The following EPHB2 variants were observed in gnomAD, a reference collection of about 807,000 sequenced individuals.
EPHB2 encodes EPH receptor B2.
EPHB2 carries 18 observed loss-of-function variants against 96.4 expected under a neutral mutation model. That is an observed-to-expected ratio of 0.19 (90% CI 0.13 to 0.28). EPHB2 has a LOEUF of 0.28. Ranked by LOEUF, EPHB2 falls within the 10% of genes least tolerant of loss-of-function variation. EPHB2 has a pLI of 1.00. For missense variants in EPHB2, 989 were observed against 1,355.4 expected (o/e 0.73, Z 4.25); for synonymous variants, 506 against 534.1 (o/e 0.95, Z 0.72).
rs1640199608 is a variant in EPHB2 at position 22,914,010 on chromosome 1, G to A, written c.*440G>A. 1.0e-5 allele frequency: 12 copies of A among 1,171,982 alleles called. No homozygotes were observed. The highest frequency in any genetic ancestry group is 2.7e-4 in the Middle Eastern group (1 of 3,678). The allele number at this position is 1,171,982 out of a possible 1,614,324, so 72.6% of individuals were successfully genotyped here. On this transcript the variant is annotated 3_prime_UTR_variant, in exon 16 of 16. Transcript: ENST00000374630. ...AATGTGAAGGGGAGAGACAGGGGCC[G>A]CCCTTGGCTCCTGTCCCTGCTGCTC...
At chr1:22,869,464 G>A (rs1449020510) in intron 5 of EPHB2, among the ~76,000 whole-genome samples, 2 of 151,998 alleles carry the variant, frequency 1.3e-5, no homozygotes, top group African/African-American at 2.4e-5. Context: ...TCACAGGCAG[G>A]AGAAATCATC....
Position 22,895,503 on chromosome 1 carries a change from G to A in EPHB2, c.1623G>A (p.Leu541=), listed in dbSNP as rs2148570429. The change falls in exon 8 of 16, where the codon TTG becomes TTA. Residue 541 remains leucine (L), a synonymous_variant. Transcript: ENST00000374630. ...ACCAGACAAGCATCCAGGAGAAGTTGCCACTCATCATCGGCTCCTCGGCCG... is the reference window on the plus strand; with the variant it reads ...ACCAGACAAGCATCCAGGAGAAGTTACCACTCATCATCGGCTCCTCGGCCG... The part of the protein sequence containing the change: ...AEYQTSIQEK[L]PLIIGSSAAG... The A allele has an allele frequency of 1.2e-6, 2 of 1,614,240 alleles. No individual in the cohort carries two copies. The highest frequency in any genetic ancestry group is 2.2e-5 in the South Asian group (2 of 91,090).
chr1:22,771,447 G>A (rs1475255821), intron 1 of EPHB2, among the ~76,000 whole-genome samples: 2 of 152,216 alleles, frequency 1.3e-5, no homozygotes, highest in Non-Finnish European at 2.9e-5. Flanking sequence ...GAGTGAGGCT[G>A]TGTCCAGTGG....
At chr1:22,736,915 G>T (rs1156748322) in intron 1 of EPHB2, among the ~76,000 whole-genome samples, 2 of 152,164 alleles carry the variant, frequency 1.3e-5, no homozygotes, top group African/African-American at 2.4e-5. Flanking sequence ...GATTGGCTCG[G>T]ATCAGCCGCC....
intron 1 of EPHB2, among the ~76,000 whole-genome samples, chr1:22,721,448 T>C (rs1477440764): frequency 6.6e-6 from 1 of 152,122 alleles, no homozygotes; most frequent in Non-Finnish European, 1.5e-5. Context: ...TGAGCTGGCC[T>C]GCGTTGTGAA....
At chr1:22,725,024 C>T (rs1643550815) in intron 1 of EPHB2, among the ~76,000 whole-genome samples, 1 of 152,104 alleles carries the variant, frequency 6.6e-6, no homozygotes, top group Non-Finnish European at 1.5e-5. Context: ...CTCACTGGCC[C>T]CTCCCCCTTC....
chr1:22,810,461 A>C (rs1644987402), intron 3 of EPHB2, among the ~76,000 whole-genome samples: 1 of 152,042 alleles, frequency 6.6e-6, no homozygotes, highest in African/African-American at 2.4e-5. Context: ...GCCATTACTA[A>C]CTCACTCTGT....
At chr1:22,791,439 A>G (rs1570282448) in intron 3 of EPHB2, among the ~76,000 whole-genome samples, 2 of 143,198 alleles carry the variant, frequency 1.4e-5, no homozygotes, top group Admixed American at 1.4e-4. Flanking sequence ...CTTAAATTAC[A>G]TGGGTTTCTT....
chr1:22,767,307 C>T (rs1010610355), intron 1 of EPHB2, among the ~76,000 whole-genome samples: 5 of 152,190 alleles, frequency 3.3e-5, no homozygotes, highest in Admixed American at 1.3e-4. Flanking sequence ...CCCTTCCCGA[C>T]GCCACTACCT....
chr1:22,791,448 TTTCTTTC>T (rs1557676753), intron 3 of EPHB2, among the ~76,000 whole-genome samples: 11 of 141,378 alleles, frequency 7.8e-5, no homozygotes, highest in African/African-American at 2.1e-4. Flanking sequence ...CATGGGTTTC[TTTCTTTC>T]TTTCTTTCTT....
chr1:22,742,325 A>G (rs1428514494), intron 1 of EPHB2, among the ~76,000 whole-genome samples: 1 of 152,108 alleles, frequency 6.6e-6, no homozygotes, highest in Non-Finnish European at 1.5e-5. Flanking sequence ...GGCTGGGAAC[A>G]GTTAGGAATA....
At chr1:22,743,048 C>T (rs1404209774) in intron 1 of EPHB2, among the ~76,000 whole-genome samples, 3 of 151,468 alleles carry the variant, frequency 2.0e-5, no homozygotes, top group African/African-American at 2.4e-5. Flanking sequence ...TGTGCCACCA[C>T]GCCCAGCTAA....
chr1:22,793,995 C>T (rs1256805619), intron 3 of EPHB2, among the ~76,000 whole-genome samples: 1 of 152,110 alleles, frequency 6.6e-6, no homozygotes, highest in Non-Finnish European at 1.5e-5. Flanking sequence ...AGGCCCATGT[C>T]TTATCCACAT....
intron 3 of EPHB2, among the ~76,000 whole-genome samples, chr1:22,825,397 A>G (rs1232317263): frequency 6.6e-6 from 1 of 152,056 alleles, no homozygotes; most frequent in Non-Finnish European, 1.5e-5. Flanking sequence ...TATGACAGCC[A>G]CCCTTGGGTC....
At chr1:22,740,409 G>T (rs570729881) in intron 1 of EPHB2, among the ~76,000 whole-genome samples, 70 of 152,278 alleles carry the variant, frequency 4.6e-4, no homozygotes, top group African/African-American at 1.7e-3. Context: ...AATGCCAGTG[G>T]TACCCAGTAT....
chr1:22,710,900 C>T lies in EPHB2; in HGVS notation c.-83C>T, dbSNP rs571466874. ...CGCCGCGCCTTGCCGCCCCCCCTGG[C>T]CCCCCGAGCCCGGGGCGCGCGCTCC... On this transcript the variant is annotated 5_prime_UTR_variant, in exon 1 of 16. Transcript: ENST00000374630. 4.7e-3 allele frequency: 689 copies of T among 146,324 alleles called. 4 individuals carry two copies. The highest frequency in any genetic ancestry group is 7.9e-3 in the Non-Finnish European group (517 of 65,726). The allele number at this position is 146,324 out of a possible 1,614,324, so 9.1% of individuals were successfully genotyped here. A position where few individuals can be genotyped will look rare whatever the true frequency, so the allele number is the denominator to read the frequency against.
chr1:22,883,551 G>A (rs1281428250), intron 6 of EPHB2, among the ~76,000 whole-genome samples: 3 of 152,208 alleles, frequency 2.0e-5, no homozygotes, highest in African/African-American at 7.2e-5. Flanking sequence ...GAGGCCTTTG[G>A]TTGAGGGCAA....
chr1:22,908,997 A>C (rs762821712), intron 12 of EPHB2, 25 bp from the exon 13 acceptor site: 5 of 1,614,104 alleles, frequency 3.1e-6, no homozygotes, highest in Non-Finnish European at 4.2e-6. Flanking sequence ...TCCCACCCAC[A>C]AACCCTCCTC....
chr1:22,901,930 A>G (rs1022008706), intron 9 of EPHB2, among the ~76,000 whole-genome samples: 8 of 151,838 alleles, frequency 5.3e-5, no homozygotes, highest in African/African-American at 9.7e-5. Context: ...GACTCAAGCA[A>G]TCCTCCTGCC....
Sources: gnomAD v4.1 joint callset for allele counts (sites outside exome capture counted in the v4.1 genomes callset) on GRCh38, gnomAD v4.1.1 for gene constraint, MANE v1.5 for transcripts, NCBI Gene and HGNC (gene_info 2026-07-23, HGNC 2026-07-21) for gene names.